PRKG1: variants seen among roughly 807,000 people sequenced by gnomAD.
The protein encoded by PRKG1 is protein kinase cGMP-dependent 1.
In PRKG1, 35 loss-of-function variants were observed where a neutral mutation model predicts 88.1. That is an observed-to-expected ratio of 0.40 (90% CI 0.30 to 0.53). The LOEUF (loss-of-function observed/expected upper bound fraction) is 0.53. PRKG1 is among the 20% of genes least tolerant of loss of function. The pLI is 0.59. For missense variants in PRKG1, 540 were observed against 839.8 expected (o/e 0.64, Z 4.41); for synonymous variants, 303 against 292.5 (o/e 1.04, Z -0.37).
At chr10:51,125,770 T>G (rs2131924613) in intron 1 of PRKG1, among the ~76,000 whole-genome samples, 1 of 145,242 alleles carries the variant, frequency 6.9e-6, no homozygotes, top group South Asian at 2.1e-4. Context: ...ATTATATATT[T>G]TTAATTTAAT....
rs569355336 is a variant in PRKG1 at position 52,229,221 on chromosome 10, A to T, written c.1077-22349A>T. ...TTACTCAAAGGGGTAAAGACATTAT[A>T]AAAGACCTTTTTATCAAAAGAGTAT... is the stretch of plus-strand genomic sequence containing the variant. On this transcript the variant is annotated intron_variant, in intron 9 of 17. Transcript: ENST00000373980. Among the ~76,000 whole-genome samples, 4 of 152,350 alleles carry T rather than the reference A, an allele frequency of 2.6e-5. No homozygotes were observed. In the South Asian group the frequency reaches 8.3e-4, roughly 32 times the overall value.
chr10:51,810,663 G>A (rs189067191), intron 4 of PRKG1, among the ~76,000 whole-genome samples: 9 of 152,074 alleles, frequency 5.9e-5, no homozygotes, highest in Admixed American at 2.0e-4. Flanking sequence ...AAATAAATGT[G>A]CTACCTATTT....
At chr10:51,465,496 A>C (rs1839880919) in intron 2 of PRKG1, among the ~76,000 whole-genome samples, 1 of 152,212 alleles carries the variant, frequency 6.6e-6, no homozygotes, top group Non-Finnish European at 1.5e-5. Context: ...AGCATTGCAA[A>C]ATTGTTACAT....
intron 2 of PRKG1, among the ~76,000 whole-genome samples, chr10:51,393,620 A>G (rs188546876): frequency 2.7e-4 from 41 of 152,358 alleles, no homozygotes; most frequent in African/African-American, 9.1e-4. Flanking sequence ...CATGGCAAAA[A>G]GATGAAATTA....
At chr10:51,672,242 C>T (rs1002795346) in intron 3 of PRKG1, among the ~76,000 whole-genome samples, 2 of 151,942 alleles carry the variant, frequency 1.3e-5, no homozygotes, top group African/African-American at 4.8e-5. Context: ...GTATTTTAGA[C>T]CTTCTTACCC....
intron 9 of PRKG1, among the ~76,000 whole-genome samples, chr10:52,217,577 T>G (rs1299935928): frequency 7.9e-5 from 12 of 152,164 alleles, no homozygotes; most frequent in Admixed American, 6.5e-4. Context: ...TAATAGAAAC[T>G]ACAAGCAAGC....
At chr10:52,011,756 C>A (rs1377094027) in intron 5 of PRKG1, among the ~76,000 whole-genome samples, 1 of 152,186 alleles carries the variant, frequency 6.6e-6, no homozygotes, top group Non-Finnish European at 1.5e-5. Context: ...TGTCCCCACC[C>A]AAATTGCATT....
At chr10:51,908,060 A>G (rs1233011223) in intron 5 of PRKG1, 1 of 152,704 alleles carries the variant, frequency 6.5e-6, no homozygotes, top group Non-Finnish European at 1.5e-5. Context: ...GAGAAAGAGG[A>G]GAAACAACAC....
intron 3 of PRKG1, among the ~76,000 whole-genome samples, chr10:51,700,602 A>G (rs1841441395): frequency 1.3e-5 from 2 of 152,168 alleles, no homozygotes; most frequent in African/African-American, 2.4e-5. Context: ...TCGAAGCTAG[A>G]ACTGAAGCTT....
intron 3 of PRKG1, among the ~76,000 whole-genome samples, chr10:51,668,253 A>C (rs1014983817): frequency 6.6e-6 from 1 of 152,186 alleles, no homozygotes; most frequent in African/African-American, 2.4e-5. Flanking sequence ...TCAGAGCTGA[A>C]TTGAAAACCA....
intron 3 of PRKG1, among the ~76,000 whole-genome samples, chr10:51,659,879 C>T (rs781545109): frequency 2.0e-5 from 3 of 151,836 alleles, no homozygotes; most frequent in African/African-American, 4.8e-5. Flanking sequence ...ATGTGAACCA[C>T]GTATGTAACT....
intron 2 of PRKG1, among the ~76,000 whole-genome samples, chr10:51,439,231 A>G (rs184046420): frequency 4.7e-4 from 71 of 152,010 alleles, no homozygotes; most frequent in African/African-American, 1.7e-3. Flanking sequence ...CATGTCTTAC[A>G]ATTAGTCATA....
At chr10:51,653,479 C>T (rs1186258285) in intron 3 of PRKG1, among the ~76,000 whole-genome samples, 7 of 152,094 alleles carry the variant, frequency 4.6e-5, no homozygotes, top group South Asian at 2.1e-4. Context: ...AGCAATTTTT[C>T]GTATAACTAT....
At chr10:52,233,769 G>A (rs1840596847) in intron 9 of PRKG1, among the ~76,000 whole-genome samples, 1 of 150,526 alleles carries the variant, frequency 6.6e-6, no homozygotes, top group Non-Finnish European at 1.5e-5. Flanking sequence ...GCTTGCTTAG[G>A]TAAACAAAGC....
At chr10:51,084,815 T>C (rs1844208216) in intron 1 of PRKG1, among the ~76,000 whole-genome samples, 1 of 152,190 alleles carries the variant, frequency 6.6e-6, no homozygotes, top group Non-Finnish European at 1.5e-5. Flanking sequence ...ATTTGGTTAA[T>C]TGGATTGAAT....
At chr10:51,939,666 G>A (rs994891452) in intron 5 of PRKG1, among the ~76,000 whole-genome samples, 1 of 150,088 alleles carries the variant, frequency 6.7e-6, no homozygotes, top group African/African-American at 2.5e-5. Context: ...TGTCTTTTTT[G>A]GCCTCTGGTA....
At chr10:51,397,629 A>G (rs898554587) in intron 2 of PRKG1, among the ~76,000 whole-genome samples, 1 of 152,228 alleles carries the variant, frequency 6.6e-6, no homozygotes, top group Non-Finnish European at 1.5e-5. Flanking sequence ...TAACCATCCT[A>G]AAAACAAGGA....
intron 2 of PRKG1, among the ~76,000 whole-genome samples, chr10:51,266,477 C>T (rs1564661628): frequency 6.6e-6 from 1 of 152,178 alleles, no homozygotes; most frequent in Non-Finnish European, 1.5e-5. Context: ...GAGAATCAGA[C>T]AGTAGATTTT....
At chr10:51,159,103 T>A (rs1846294164) in intron 2 of PRKG1, among the ~76,000 whole-genome samples, 1 of 152,124 alleles carries the variant, frequency 6.6e-6, no homozygotes, top group Non-Finnish European at 1.5e-5. Flanking sequence ...AGTAAACTTA[T>A]ACCGCTTCAA....
Sources: allele counts gnomAD v4.1 joint callset (sites outside exome capture counted in the v4.1 genomes callset), GRCh38; gene constraint gnomAD v4.1.1; transcripts MANE v1.5; gene names NCBI Gene and HGNC (gene_info 2026-07-23, HGNC 2026-07-21).